CUX1: variants seen among roughly 807,000 people sequenced by gnomAD.
CUX1 encodes the protein protein CASP.
A neutral mutation model predicts 158.8 loss-of-function variants in CUX1; 31 were observed. That is an observed-to-expected ratio of 0.20 (90% CI 0.15 to 0.26). CUX1 has a LOEUF of 0.26. Among genes scored for constraint, CUX1 ranks in the 10% least tolerant of loss-of-function variants. The probability of loss-of-function intolerance (pLI) is 1.00; values close to 1 mark genes in which losing one functional copy is unlikely to be tolerated. For missense variants in CUX1, 1,589 were observed against 2,014.6 expected, an observed-to-expected ratio of 0.79 and a Z score of 4.04; for synonymous variants, 879 against 862.1, an observed-to-expected ratio of 1.02 and a Z score of -0.34.
intron 2 of CUX1, among the ~76,000 whole-genome samples, chr7:101,957,062 A>C (rs530112266): frequency 1.3e-5 from 2 of 152,358 alleles, no homozygotes; most frequent in South Asian, 4.1e-4. Flanking sequence ...AATATAGAGG[A>C]ACGGCTAAAT....
chr7:102,080,842 T>C (rs1554478477), intron 4 of CUX1, among the ~76,000 whole-genome samples: 1 of 152,148 alleles, frequency 6.6e-6, no homozygotes, highest in African/African-American at 2.4e-5. Context: ...CAAAGCAAAA[T>C]GTTTGCATTA....
At chr7:101,939,270 G>A (rs1476737623) in intron 2 of CUX1, among the ~76,000 whole-genome samples, 1 of 151,302 alleles carries the variant, frequency 6.6e-6, no homozygotes, top group Non-Finnish European at 1.5e-5. Flanking sequence ...TGCAGTCTTC[G>A]AGTCTGGCTT....
Position 101,856,158 on chromosome 7 carries a change from G to A in CUX1, c.30+38489G>A, listed in dbSNP as rs529053951. 2.0e-4 allele frequency among the ~76,000 whole-genome samples: 29 copies of A among 146,014 alleles called. No homozygotes were observed. In the East Asian group the frequency reaches 5.1e-3, roughly 26 times the overall value. On this transcript the variant is annotated intron_variant, in intron 1 of 23. Transcript: ENST00000292535. ...TGATCAAGCCATTGCACTCCAGTCT[G>A]GGTGACAGAGTGAGACCCTGTCTCA...
At chr7:101,929,757 C>G (rs1275468970) in intron 2 of CUX1, among the ~76,000 whole-genome samples, 1 of 152,154 alleles carries the variant, frequency 6.6e-6, no homozygotes, top group Non-Finnish European at 1.5e-5. Flanking sequence ...ACCCACCTAC[C>G]AGGATTTTCC....
chr7:102,145,805 G>A (rs1406671243), intron 8 of CUX1, among the ~76,000 whole-genome samples: 2 of 152,054 alleles, frequency 1.3e-5, no homozygotes, highest in African/African-American at 4.8e-5. Flanking sequence ...AAATTAGCTG[G>A]GCATGGTGGC....
At position 102,196,767 on chromosome 7, in the gene CUX1, A is replaced by G; in HGVS notation, c.1356A>G (p.Ser452=). 6.2e-7 allele frequency: 1 copy of G among 1,614,056 alleles called. No homozygotes were observed. Among genetic ancestry groups the G allele is most frequent in the Non-Finnish European group, 8.5e-7 (1 of 1,180,028 alleles). ...ASNTNGTHQF[S]PAGLSQDFFS... ...ATACTAATGGTACACACCAGTTCTC[A>G]CCAGCGGGGTTAAGTCAAGACTTTT... The change falls in exon 15 of 24, where the codon TCA becomes TCG. Residue 452 remains serine (S), a synonymous_variant. Transcript: ENST00000292535.
chr7:102,230,208 C>T (rs1554530151), intron 21 of CUX1, among the ~76,000 whole-genome samples: 1 of 152,008 alleles, frequency 6.6e-6, no homozygotes, highest in African/African-American at 2.4e-5. Context: ...TTGAGAATGA[C>T]AGGTGGCCTG....
intron 2 of CUX1, among the ~76,000 whole-genome samples, chr7:101,949,921 C>T (rs775598865): frequency 2.0e-4 from 30 of 152,046 alleles, no homozygotes; most frequent in Non-Finnish European, 3.4e-4. Context: ...GAGTTCTTGC[C>T]CCTGACTCTC....
intron 1 of CUX1, among the ~76,000 whole-genome samples, chr7:101,865,048 A>G (rs1172500900): frequency 6.6e-6 from 1 of 152,140 alleles, no homozygotes; most frequent in African/African-American, 2.4e-5. Flanking sequence ...AATCAGACCA[A>G]TCCTCTCAGT....
chr7:101,966,906 G>A (rs1811290945), intron 2 of CUX1, among the ~76,000 whole-genome samples: 1 of 152,144 alleles, frequency 6.6e-6, no homozygotes, highest in Non-Finnish European at 1.5e-5. Flanking sequence ...CAACAAGCCG[G>A]CCTAGCTCCA....
chr7:101,866,035 C>T (rs907146229), intron 1 of CUX1, among the ~76,000 whole-genome samples: 1 of 152,116 alleles, frequency 6.6e-6, no homozygotes, highest in Admixed American at 6.6e-5. Context: ...TCAAATTAAA[C>T]TAGAGGAGGC....
At chr7:102,228,242 G>C (rs143250487) in intron 21 of CUX1, among the ~76,000 whole-genome samples, 1 of 151,906 alleles carries the variant, frequency 6.6e-6, no homozygotes, top group Admixed American at 6.6e-5. Context: ...CCCAAGCCAG[G>C]CATGAGCCAT....
At chr7:101,958,883 A>T (rs1326912607) in intron 2 of CUX1, among the ~76,000 whole-genome samples, 1 of 97,642 alleles carries the variant, frequency 1.0e-5, no homozygotes, top group African/African-American at 4.1e-5. Flanking sequence ...AAGAGACAGT[A>T]TTGCCCTGTC....
intron 2 of CUX1, among the ~76,000 whole-genome samples, chr7:101,977,966 T>C (rs1812920075): frequency 6.8e-6 from 1 of 147,414 alleles, no homozygotes; most frequent in African/African-American, 2.5e-5. Context: ...TCTTAAAACG[T>C]TTTTTTTTTC....
chr7:101,918,002 T>C (rs1290703769), intron 2 of CUX1, among the ~76,000 whole-genome samples: 1 of 152,144 alleles, frequency 6.6e-6, no homozygotes, highest in African/African-American at 2.4e-5. Flanking sequence ...AGAAAACGTT[T>C]TGTGGTTAAA....
intron 9 of CUX1, among the ~76,000 whole-genome samples, chr7:102,164,200 C>T (rs1790762565): frequency 6.6e-6 from 1 of 152,202 alleles, no homozygotes; most frequent in African/African-American, 2.4e-5. Flanking sequence ...CCCTCCGGGG[C>T]CTCCTTTCTG....
At chr7:102,014,494 G>A (rs999334335) in intron 2 of CUX1, among the ~76,000 whole-genome samples, 1 of 152,224 alleles carries the variant, frequency 6.6e-6, no homozygotes, top group Non-Finnish European at 1.5e-5. Flanking sequence ...ATGAAACTAA[G>A]TTGCTGCTTC....
chr7:101,902,872 C>T (rs1036774363), intron 1 of CUX1, among the ~76,000 whole-genome samples: 6 of 152,154 alleles, frequency 3.9e-5, no homozygotes, highest in Non-Finnish European at 7.3e-5. Context: ...CTCAGCCTCC[C>T]GAGTAGCTGG....
At chr7:102,033,348 G>C (rs34253832) in intron 3 of CUX1, among the ~76,000 whole-genome samples, 4,247 of 151,020 alleles carry the variant, frequency 0.028, 85 homozygotes, top group Non-Finnish European at 0.034. Context: ...TGAAAGAAAT[G>C]ACAAATATAA....
Sources: gnomAD v4.1 joint callset for allele counts (sites outside exome capture counted in the v4.1 genomes callset) on GRCh38, gnomAD v4.1.1 for gene constraint, MANE v1.5 for transcripts, NCBI Gene and HGNC (gene_info 2026-07-23, HGNC 2026-07-21) for gene names.